Variants in NEDD4L observed in about 807,000 individuals in gnomAD.
The protein encoded by NEDD4L is E3 ubiquitin-protein ligase NEDD4-like.
NEDD4L carries 54 observed loss-of-function variants against 148.9 expected under a neutral mutation model. That is an observed-to-expected ratio of 0.36 (90% CI 0.29 to 0.45). The LOEUF (loss-of-function observed/expected upper bound fraction) is 0.45, where lower values mean the gene tolerates loss of function less well. Among genes scored for constraint, NEDD4L ranks in the 20% least tolerant of loss-of-function variants. The pLI, the probability that NEDD4L is intolerant of heterozygous loss-of-function variation, is 1.00. For synonymous variants in NEDD4L, 433 were observed against 440.7 expected, an observed-to-expected ratio of 0.98 and a Z score of 0.22; for missense variants, 856 against 1,233.8, an observed-to-expected ratio of 0.69 and a Z score of 4.59.
chr18:58,324,935 G>A (rs2059178742), intron 8 of NEDD4L, 61 bp from the exon 9 acceptor site: 2 of 1,475,666 alleles, frequency 1.4e-6, no homozygotes, highest in Non-Finnish European at 1.9e-6. Flanking sequence ...ATGCTGTGAT[G>A]ACCTCTTACT....
intron 2 of NEDD4L, among the ~76,000 whole-genome samples, chr18:58,235,889 C>T (rs944234578): frequency 3.3e-5 from 5 of 151,890 alleles, no homozygotes; most frequent in Non-Finnish European, 7.4e-5. Context: ...TCTTTATAGC[C>T]GGGTGTGGTG....
chr18:58,366,263 ACTGAG>A lies in NEDD4L; in HGVS notation c.2063+36_2063+40del. On this transcript the variant is annotated intron_variant, in intron 21 of 30. Coordinates refer to ENST00000400345, the MANE Select transcript of NEDD4L (RefSeq NM_001144967.3). The surrounding 1 kb of genome is among the most constrained non-coding windows in gnomAD (Gnocchi z 4.2). ...TGGCCACACCCAGTGTGTGTCCCCCACTGAGACAGTTGTATGAATTTAAACAGAAT... is the reference window on the plus strand; with the variant it reads ...TGGCCACACCCAGTGTGTGTCCCCCAACAGTTGTATGAATTTAAACAGAAT... The A allele has an allele frequency of 7.2e-7, 1 of 1,382,726 alleles. No homozygotes were observed. The highest frequency in any genetic ancestry group is 2.2e-5 in the Admixed American group (1 of 44,910). 85.7% of individuals were successfully genotyped at this position (1,382,726 alleles called of 1,614,324 possible). A position where few individuals can be genotyped will look rare whatever the true frequency, so the allele number is the denominator to read the frequency against.
chr18:58,293,256 C>G (rs2055036358), intron 5 of NEDD4L, among the ~76,000 whole-genome samples: 1 of 152,192 alleles, frequency 6.6e-6, no homozygotes, highest in African/African-American at 2.4e-5. Flanking sequence ...TATCCATGGA[C>G]TCTTCTTCAT....
chr18:58,343,059 G>C lies in NEDD4L; in HGVS notation c.1531G>C (p.Gly511Arg). The change falls in exon 16 of 31, where the codon GGC becomes CGC. Residue 511 changes from glycine (G) to arginine (R), a missense_variant. Coordinates refer to ENST00000400345, the MANE Select transcript of NEDD4L (RefSeq NM_001144967.3). ...PGWEMRIAPN[G>R]RPFFIDHNTK... is the part of the protein sequence containing the mutation. ...CTGGGAAATGAGGATAGCGCCAAAC[G>C]GCCGGCCCTTCTTCATTGATCATAA... 6.2e-7 allele frequency: 1 copy of C among 1,611,974 alleles called. No homozygotes were observed. The highest frequency in any genetic ancestry group is 8.5e-7 in the Non-Finnish European group (1 of 1,178,932).
At chr18:58,182,434 G>A (rs906947375) in intron 2 of NEDD4L, among the ~76,000 whole-genome samples, 2 of 151,446 alleles carry the variant, frequency 1.3e-5, no homozygotes, top group Non-Finnish European at 2.9e-5. Context: ...CTTTGCAGTT[G>A]CAGACATTAA....
intron 2 of NEDD4L, among the ~76,000 whole-genome samples, chr18:58,232,469 T>C (rs764827389): frequency 4.6e-5 from 7 of 152,210 alleles, no homozygotes; most frequent in African/African-American, 1.2e-4. Context: ...GCCAAGACTT[T>C]TAATGCTGAT....
intron 2 of NEDD4L, chr18:58,195,365 T>C: frequency 8.5e-7 from 1 of 1,177,140 alleles, no homozygotes; most frequent in Admixed American, 3.1e-5. Flanking sequence ...CCTATAGTCA[T>C]TGGCTCTGCT....
In NEDD4L at chr18:58,384,847, G is replaced by A. The variant is rs114199039; in HGVS notation, c.2427-679G>A. Among the ~76,000 whole-genome samples, 1,450 of 152,286 alleles carry A rather than the reference G, an allele frequency of 9.5e-3. 18 individuals are homozygous for A. The highest frequency in any genetic ancestry group is 0.03 in the African/African-American group (1,234 of 41,554). On this transcript the variant is annotated intron_variant, in intron 25 of 30. Transcript: ENST00000400345. ...AAGGTGAGAACCCTTCAGAATGATGGAATGCCTGAGATGACATCCAGAGTA... is the reference window on the plus strand; with the variant it reads ...AAGGTGAGAACCCTTCAGAATGATGAAATGCCTGAGATGACATCCAGAGTA...
At chr18:58,213,918 G>A (rs506784) in intron 2 of NEDD4L, among the ~76,000 whole-genome samples, 44,969 of 151,992 alleles carry the variant, frequency 0.3, 7,142 homozygotes, top group East Asian at 0.48. Flanking sequence ...TGGTCTACTG[G>A]TCTTCCTGTT....
chr18:58,359,320 A>G (rs532647154), intron 19 of NEDD4L, among the ~76,000 whole-genome samples: 1 of 152,062 alleles, frequency 6.6e-6, no homozygotes, highest in South Asian at 2.1e-4. Context: ...ATGTGCTTGC[A>G]GGCTGTACTT....
intron 16 of NEDD4L, among the ~76,000 whole-genome samples, chr18:58,348,355 G>A (rs1295871029): frequency 2.7e-4 from 21 of 77,350 alleles, no homozygotes; most frequent in African/African-American, 1.4e-3. Flanking sequence ...TTTTTGAGAC[G>A]GAGTCTCACT....
chr18:58,045,784 G>A (rs1377655419), intron 1 of NEDD4L: 1 of 152,222 alleles, frequency 6.6e-6, no homozygotes, highest in African/African-American at 2.4e-5. Flanking sequence ...TTACTCAGCA[G>A]GGAGGTATTT....
At chr18:58,358,626 GCTCT>G (rs890479908) in intron 19 of NEDD4L, among the ~76,000 whole-genome samples, 1 of 128,584 alleles carries the variant, frequency 7.8e-6, no homozygotes, top group Non-Finnish European at 1.6e-5. Context: ...CCAAGAAAGA[GCTCT>G]CTGCTTTCTG....
At position 58,357,387 on chromosome 18, in the gene NEDD4L, C is replaced by T. The variant is rs2044822837; in HGVS notation, c.1767+135C>T. The T allele has an allele frequency of 6.0e-6, 5 of 830,956 alleles. No homozygotes were observed. The South Asian group carries it at 6.8e-5, about 11-fold the overall frequency. 51.5% of individuals were successfully genotyped at this position (830,956 alleles called of 1,614,324 possible). A position where few individuals can be genotyped will look rare whatever the true frequency, so the allele number is the denominator to read the frequency against. The stretch of plus-strand genomic sequence containing the variant: ...AGTTGACTAGAAACAGAGCACTTTG[C>T]TGCCATCTCCTTACTGAAGTTTCCA... On this transcript the variant is annotated intron_variant, in intron 19 of 30. Coordinates refer to ENST00000400345, the MANE Select transcript of NEDD4L (RefSeq NM_001144967.3).
chr18:58,327,453 G>A (rs1055073062), intron 9 of NEDD4L, among the ~76,000 whole-genome samples: 9 of 152,216 alleles, frequency 5.9e-5, no homozygotes, highest in African/African-American at 1.9e-4. Flanking sequence ...GGAGAAGGCA[G>A]AGGCATAACT....
intron 5 of NEDD4L, among the ~76,000 whole-genome samples, chr18:58,303,918 A>G (rs2149281868): frequency 6.6e-6 from 1 of 152,322 alleles, no homozygotes; most frequent in Admixed American, 6.5e-5. Context: ...ACACCAGATT[A>G]CTAGAACATT....
intron 1 of NEDD4L, among the ~76,000 whole-genome samples, chr18:58,115,706 TGTTGC>T (rs1376343529): frequency 5.9e-5 from 9 of 152,180 alleles, no homozygotes; most frequent in African/African-American, 1.7e-4. Flanking sequence ...TCCTCTCTTG[TGTTGC>T]GTGGCAATGC....
intron 11 of NEDD4L, among the ~76,000 whole-genome samples, chr18:58,332,927 T>A (rs1461163287): frequency 6.6e-6 from 1 of 152,158 alleles, no homozygotes; most frequent in Non-Finnish European, 1.5e-5. Flanking sequence ...TCTTTTTTTT[T>A]AGCTTGATCT....
At chr18:58,313,594 A>T (rs1027982138) in intron 5 of NEDD4L, among the ~76,000 whole-genome samples, 7 of 152,214 alleles carry the variant, frequency 4.6e-5, no homozygotes, top group African/African-American at 1.7e-4. Context: ...GCACAGGCTG[A>T]TGGGCAGCTT....
Sources: gnomAD v4.1 joint callset for allele counts (sites outside exome capture counted in the v4.1 genomes callset) on GRCh38, gnomAD v4.1.1 for gene constraint, Gnocchi (gnomAD v3.1) non-coding constraint, MANE v1.5 for transcripts, NCBI Gene and HGNC (gene_info 2026-07-23, HGNC 2026-07-21) for gene names.